Variants in WDFY2 observed in about 807,000 individuals in gnomAD.
The protein encoded by WDFY2 is WD repeat and FYVE domain-containing protein 2.
A neutral mutation model predicts 56.4 loss-of-function variants in WDFY2; 36 were observed. The observed-to-expected ratio is 0.64, with a 90% CI of 0.49 to 0.84. The LOEUF (loss-of-function observed/expected upper bound fraction) is 0.84, where lower values mean the gene tolerates loss of function less well. Among genes scored for constraint, WDFY2 ranks in the 40% least tolerant of loss-of-function variants. WDFY2 has a pLI of 0.00. For missense variants in WDFY2, 444 were observed against 512.2 expected, an observed-to-expected ratio of 0.87 and a Z score of 1.29; for synonymous variants, 176 against 183.7, an observed-to-expected ratio of 0.96 and a Z score of 0.34.
intron 1 of WDFY2, among the ~76,000 whole-genome samples, chr13:51,609,417 A>G (rs553240352): frequency 8.5e-5 from 13 of 152,298 alleles, no homozygotes; most frequent in Non-Finnish European, 8.8e-5. Flanking sequence ...AAGCATTGAT[A>G]GTTGACCTTG....
At chr13:51,641,069 CATTT>C (rs759933582) in intron 1 of WDFY2, among the ~76,000 whole-genome samples, 1 of 151,832 alleles carries the variant, frequency 6.6e-6, no homozygotes, top group Admixed American at 6.6e-5. Context: ...ATTCATGGAG[CATTT>C]ATTTATTTAT....
At chr13:51,656,458 A>G (rs1304539421) in intron 1 of WDFY2, among the ~76,000 whole-genome samples, 1 of 151,982 alleles carries the variant, frequency 6.6e-6, no homozygotes, top group African/African-American at 2.4e-5. Context: ...AAAAACATGT[A>G]TGTTCTGTTG....
At chr13:51,701,444 C>G (rs992154084) in intron 3 of WDFY2, among the ~76,000 whole-genome samples, 2 of 149,880 alleles carry the variant, frequency 1.3e-5, no homozygotes, top group African/African-American at 2.4e-5. Flanking sequence ...TCACTTGAAC[C>G]CAGGAGGTGG....
In WDFY2 at chr13:51,751,308, A is replaced by G. The variant is rs779560417; in HGVS notation, c.726-2A>G. On this transcript the variant is annotated splice_acceptor_variant, in intron 7 of 11. Coordinates refer to ENST00000298125, the MANE Select transcript of WDFY2 (RefSeq NM_052950.4). LOFTEE classifies it high-confidence loss of function. Reference sequence around the variant, plus strand: ...GTCAATAACCCTTGGTTTCTTTCACAGCGACAGAGTCCAGGCCCTCTCCTA... The same window carrying G: ...GTCAATAACCCTTGGTTTCTTTCACGGCGACAGAGTCCAGGCCCTCTCCTA... The G allele has an allele frequency of 6.2e-7, 1 of 1,611,900 alleles. No homozygotes were observed. Among genetic ancestry groups the G allele is most frequent in the South Asian group, 1.1e-5 (1 of 90,648 alleles).
intron 2 of WDFY2, among the ~76,000 whole-genome samples, chr13:51,670,421 C>T (rs1447976624): frequency 6.6e-6 from 1 of 150,930 alleles, no homozygotes; most frequent in Non-Finnish European, 1.5e-5. Flanking sequence ...AAGGCCTGTT[C>T]CTGTGGGAGT....
chr13:51,605,883 T>G (rs1348230897), intron 1 of WDFY2, among the ~76,000 whole-genome samples: 1 of 152,198 alleles, frequency 6.6e-6, no homozygotes, highest in Non-Finnish European at 1.5e-5. Flanking sequence ...AGCATTTTAT[T>G]ATGATGAGTT....
At chr13:51,594,131 A>G (rs1384907140) in intron 1 of WDFY2, 2 of 152,202 alleles carry the variant, frequency 1.3e-5, no homozygotes, top group East Asian at 1.9e-4. Flanking sequence ...ATAGCACACT[A>G]TAGCCCAGAA....
At chr13:51,725,187 TC>T (rs771640563) in intron 5 of WDFY2, among the ~76,000 whole-genome samples, 2 of 152,214 alleles carry the variant, frequency 1.3e-5, no homozygotes, top group Non-Finnish European at 2.9e-5. Flanking sequence ...TTGGCATAGT[TC>T]CTCATTTGGT....
At chr13:51,596,689 G>C (rs1324255117) in intron 1 of WDFY2, among the ~76,000 whole-genome samples, 1 of 152,128 alleles carries the variant, frequency 6.6e-6, no homozygotes, top group Non-Finnish European at 1.5e-5. Context: ...TATAAGACCA[G>C]AACATACACC....
intron 3 of WDFY2, among the ~76,000 whole-genome samples, chr13:51,693,222 T>C (rs969683378): frequency 4.6e-5 from 7 of 152,202 alleles, no homozygotes; most frequent in African/African-American, 9.7e-5. Flanking sequence ...TGCCTTCTGC[T>C]AGCTTTTGAA....
chr13:51,600,935 C>G (rs910827758), intron 1 of WDFY2, among the ~76,000 whole-genome samples: 1 of 152,118 alleles, frequency 6.6e-6, no homozygotes, highest in Non-Finnish European at 1.5e-5. Flanking sequence ...GTTCAGATGG[C>G]CATTTTCTCA....
intron 1 of WDFY2, chr13:51,592,101 C>T: frequency 6.6e-6 from 1 of 151,404 alleles, no homozygotes; most frequent in East Asian, 1.9e-4. Flanking sequence ...ATGTAACAAA[C>T]CTGCATGTTG....
intron 1 of WDFY2, among the ~76,000 whole-genome samples, chr13:51,619,224 G>A (rs1018557103): frequency 1.3e-5 from 2 of 152,112 alleles, no homozygotes; most frequent in South Asian, 4.1e-4. Flanking sequence ...AGGCTGAGGC[G>A]GGCAGACTGC....
chr13:51,756,273 C>G (rs762601198), intron 9 of WDFY2, 59 bp from the exon 10 acceptor site: 1 of 1,560,392 alleles, frequency 6.4e-7, no homozygotes, highest in East Asian at 2.3e-5. Flanking sequence ...GGGTGAGATG[C>G]GGGGGCCTCA....
intron 1 of WDFY2, among the ~76,000 whole-genome samples, chr13:51,609,175 A>G (rs1052166588): frequency 1.3e-5 from 2 of 152,362 alleles, no homozygotes; most frequent in African/African-American, 4.8e-5. Flanking sequence ...TCAATGCACT[A>G]TTGAAAAGTG....
chr13:51,598,978 G>A (rs1248855391), intron 1 of WDFY2, among the ~76,000 whole-genome samples: 2 of 143,858 alleles, frequency 1.4e-5, no homozygotes, highest in African/African-American at 2.6e-5. Context: ...GTATAATCTC[G>A]TCTCACTGCA....
At position 51,660,627 on chromosome 13, in the gene WDFY2, G is replaced by C; in HGVS notation, c.169G>C (p.Gly57Arg). The C allele has an allele frequency of 6.2e-7, 1 of 1,613,904 alleles. No homozygotes were observed. Among genetic ancestry groups the C allele is most frequent in the East Asian group, 2.2e-5 (1 of 44,862 alleles). ...TCGTGTTTGGTTAAAGAGAGACAGT[G>C]GACAGTATTGGCCAAGCGTATACCA... ...TVRVWLKRDS[G>R]QYWPSVYHAM... The change falls in exon 2 of 12, where the codon GGA (glycine) becomes CGA (arginine). Residue 57 changes from glycine to arginine, a missense_variant. Physicochemically the swap from Gly to Arg is moderately radical, Grantham distance 125. Transcript: ENST00000298125.
In WDFY2 at chr13:51,722,213, C is replaced by T. The variant is rs7331457; in HGVS notation, c.485+2865C>T. On this transcript the variant is annotated intron_variant, in intron 5 of 11. Transcript: ENST00000298125. The stretch of plus-strand genomic sequence containing the variant: ...AACTCATTCTCTTCTATCTCCACCT[C>T]AAACAGTCATTCAGCCAAGGCAACA... Among the ~76,000 whole-genome samples, 1,409 of 152,124 alleles carry T rather than the reference C, an allele frequency of 9.3e-3. 27 individuals carry two copies. The highest frequency in any genetic ancestry group is 0.031 in the African/African-American group (1,307 of 41,500).
intron 1 of WDFY2, among the ~76,000 whole-genome samples, chr13:51,649,935 T>A (rs537263913): frequency 5.9e-5 from 9 of 152,102 alleles, no homozygotes; most frequent in Non-Finnish European, 1.0e-4. Context: ...TTTAAAGTAG[T>A]TTTTTCCAAT....
Sources: gnomAD v4.1 joint callset for allele counts (sites outside exome capture counted in the v4.1 genomes callset) on GRCh38, gnomAD v4.1.1 for gene constraint, MANE v1.5 for transcripts, NCBI Gene and HGNC (gene_info 2026-07-23, HGNC 2026-07-21) for gene names.